Variants in ITIH5 observed in about 807,000 individuals in gnomAD.
ITIH5 encodes the protein inter-alpha-trypsin inhibitor heavy chain 5.
ITIH5 carries 65 observed loss-of-function variants against 77.5 expected under a neutral mutation model. The observed-to-expected ratio is 0.84, with a 90% confidence interval of 0.69 to 1.03. The LOEUF is 1.03. Ranked by LOEUF, ITIH5 falls within the 50% of genes least tolerant of loss-of-function variation. ITIH5 has a pLI of 0.00. For missense variants in ITIH5, 1,208 were observed against 1,213.1 expected (o/e 1.00, Z 0.06); for synonymous variants, 525 against 494.3 (o/e 1.06, Z -0.82).
Position 7,585,887 on chromosome 10 carries a change from GGT to G in ITIH5, c.1108+12_1108+13del, listed in dbSNP as rs775558802. The stretch of plus-strand genomic sequence containing the variant: ...CAAAGCCAAGCCAATGTGAAAAGAA[GGT>G]GTCATCTTTACCTCCAGTGGGTGAC... On this transcript the variant is annotated intron_variant, in intron 8 of 13. Coordinates refer to ENST00000397146, the MANE Select transcript of ITIH5 (RefSeq NM_030569.7). The G allele has an allele frequency of 1.9e-6, 3 of 1,567,570 alleles. No homozygotes were observed. Among genetic ancestry groups the G allele is most frequent in the Non-Finnish European group, 2.6e-6 (3 of 1,155,080 alleles).
chr10:7,594,147 G>A (rs1432886420), intron 7 of ITIH5, among the ~76,000 whole-genome samples: 2 of 152,236 alleles, frequency 1.3e-5, no homozygotes, highest in African/African-American at 4.8e-5. Context: ...GGCAGAAGTT[G>A]TGTCCTCTGA....
intron 1 of ITIH5, among the ~76,000 whole-genome samples, chr10:7,657,960 C>A (rs76328556): frequency 2.5e-3 from 374 of 152,270 alleles, no homozygotes; most frequent in African/African-American, 8.6e-3. Context: ...GGTGTATAAG[C>A]AAGACATAAG....
chr10:7,633,856 G>A (rs945373454), intron 5 of ITIH5, among the ~76,000 whole-genome samples: 5 of 151,930 alleles, frequency 3.3e-5, no homozygotes, highest in Non-Finnish European at 5.9e-5. Flanking sequence ...TTGGGAGGCC[G>A]AGGCGGGCGG....
rs535516800 is a variant in ITIH5, at chr10:7,576,319, C to T, written c.1978+134G>A. 2.4e-4 allele frequency: 202 copies of T among 826,134 alleles called. 2 individuals carry two copies. The highest frequency in any genetic ancestry group is 2.1e-3 in the African/African-American group (123 of 58,152). The allele number at this position is 826,134 out of a possible 1,614,324, so 51.2% of individuals were successfully genotyped here. On this transcript the variant is annotated intron_variant, in intron 10 of 13. Coordinates refer to ENST00000397146, the MANE Select transcript of ITIH5 (RefSeq NM_030569.7). ...GATTACAGGTGTGAGCTACTATACC[C>T]GGTCTGGGTTATTGTTTATAAGTAT...
At chr10:7,646,303 C>T (rs1029901872) in intron 2 of ITIH5, among the ~76,000 whole-genome samples, 2 of 152,182 alleles carry the variant, frequency 1.3e-5, no homozygotes, top group Non-Finnish European at 2.9e-5. Flanking sequence ...GTAACATATG[C>T]ACATGGTAAA....
At chr10:7,662,817 G>C (rs1173946706) in intron 1 of ITIH5, among the ~76,000 whole-genome samples, 1 of 152,192 alleles carries the variant, frequency 6.6e-6, no homozygotes, top group African/African-American at 2.4e-5. Flanking sequence ...ACATAAGGGA[G>C]ACGTTATTGA....
chr10:7,664,433 G>A (rs528859864), intron 1 of ITIH5, among the ~76,000 whole-genome samples: 3 of 151,334 alleles, frequency 2.0e-5, no homozygotes, highest in Non-Finnish European at 4.4e-5. Flanking sequence ...GTGTTCCATG[G>A]ACCACCTGCA....
intron 13 of ITIH5, among the ~76,000 whole-genome samples, chr10:7,564,674 C>T (rs147886578): frequency 7.8e-4 from 118 of 151,790 alleles, no homozygotes; most frequent in African/African-American, 2.7e-3. Context: ...AATCACCTAA[C>T]GACCATTAGA....
Position 7,616,066 on chromosome 10 carries a change from A to G in ITIH5, c.855T>C (p.Ala285=), listed in dbSNP as rs1187599339. The part of the protein sequence containing the change: ...VLNGYFVHYF[A]PKDLPPLPKN... Reference sequence around the variant, plus strand: ...TGGGTAAAGGAGGAAGGTCTTTAGGAGCAAAGTAGTGCACAAAATAGCCAT... The same window carrying G: ...TGGGTAAAGGAGGAAGGTCTTTAGGGGCAAAGTAGTGCACAAAATAGCCAT... Residue 285 remains alanine, a synonymous_variant, in exon 7 of 14, where the codon GCT becomes GCC. Transcript: ENST00000397146. The G allele has an allele frequency of 6.2e-7, 1 of 1,612,398 alleles. No homozygotes were observed. The highest frequency in any genetic ancestry group is 8.5e-7 in the Non-Finnish European group (1 of 1,178,540).
At chr10:7,575,693 G>A (rs1471188418) in intron 10 of ITIH5, among the ~76,000 whole-genome samples, 5 of 152,002 alleles carry the variant, frequency 3.3e-5, no homozygotes, top group Admixed American at 3.3e-4. Context: ...GCAAGAATCC[G>A]TACCTTGGTC....
At chr10:7,651,658 A>C (rs930527596) in intron 2 of ITIH5, among the ~76,000 whole-genome samples, 1 of 152,060 alleles carries the variant, frequency 6.6e-6, no homozygotes, top group African/African-American at 2.4e-5. Flanking sequence ...CTCATGCGCC[A>C]AGCCAATACT....
At chr10:7,592,214 A>G (rs1026771808) in intron 7 of ITIH5, among the ~76,000 whole-genome samples, 1 of 152,170 alleles carries the variant, frequency 6.6e-6, no homozygotes, top group African/African-American at 2.4e-5. Context: ...TATATTTAAT[A>G]CCCAGCAGTG....
intron 5 of ITIH5, among the ~76,000 whole-genome samples, chr10:7,636,682 C>G (rs1466054565): frequency 6.6e-6 from 1 of 152,106 alleles, no homozygotes; most frequent in Non-Finnish European, 1.5e-5. Context: ...GATAGATTTC[C>G]AGAAGTGGTA....
intron 12 of ITIH5, among the ~76,000 whole-genome samples, chr10:7,566,799 AGAGGAAGAGGAAGAGGAAGAG>A (rs1564232510): frequency 4.4e-4 from 6 of 13,640 alleles, no homozygotes; most frequent in African/African-American, 2.1e-3. Flanking sequence ...AAGAAGAAGA[AGAGGAAGAGGAAGAGGAAGAG>A]GAAGAGGAAG....
At chr10:7,605,498 G>A (rs1176414587) in intron 7 of ITIH5, among the ~76,000 whole-genome samples, 2 of 150,298 alleles carry the variant, frequency 1.3e-5, no homozygotes, top group Admixed American at 6.7e-5. Flanking sequence ...AGGAAAGGCT[G>A]TGTCTCATTT....
chr10:7,654,564 T>C (rs1289503201), intron 2 of ITIH5, among the ~76,000 whole-genome samples: 5 of 152,220 alleles, frequency 3.3e-5, no homozygotes, highest in African/African-American at 9.7e-5. Flanking sequence ...TCGCGTTCCC[T>C]AAGTTAAGGG....
At chr10:7,574,794 GAAA>G (rs59563530) in intron 10 of ITIH5, among the ~76,000 whole-genome samples, 1 of 85,656 alleles carries the variant, frequency 1.2e-5, no homozygotes, top group Non-Finnish European at 2.2e-5. Flanking sequence ...CTCCATCTCG[GAAA>G]AAAAAAAAAA....
At chr10:7,664,737 A>C (rs1834335053) in intron 1 of ITIH5, among the ~76,000 whole-genome samples, 2 of 152,252 alleles carry the variant, frequency 1.3e-5, no homozygotes, top group African/African-American at 4.8e-5. Context: ...GCTATATTAA[A>C]ATTTGCATAA....
chr10:7,639,753 C>T (rs1175499868), intron 4 of ITIH5, among the ~76,000 whole-genome samples: 1 of 152,092 alleles, frequency 6.6e-6, no homozygotes, highest in Non-Finnish European at 1.5e-5. Flanking sequence ...CATTAAAAAG[C>T]AATTGCTATG....
Sources: gnomAD v4.1 joint callset for allele counts (sites outside exome capture counted in the v4.1 genomes callset) on GRCh38, gnomAD v4.1.1 for gene constraint, MANE v1.5 for transcripts, NCBI Gene and HGNC (gene_info 2026-07-23, HGNC 2026-07-21) for gene names.